The following NCOR1 variants were observed in gnomAD, a reference collection of about 807,000 sequenced individuals.
The protein encoded by NCOR1 is protein phosphatase 1, regulatory subunit 109.
Under a neutral mutation model 288.1 loss-of-function variants are expected in NCOR1, and 63 were observed. The ratio of observed to expected loss-of-function variants is 0.22; its 90% confidence interval spans 0.18 to 0.27. The LOEUF is 0.27. Ranked by LOEUF, NCOR1 falls within the 10% of genes least tolerant of loss-of-function variation. The pLI is 1.00. For missense variants in NCOR1, 2,397 were observed against 3,019.2 expected (o/e 0.79, Z 4.83); for synonymous variants, 1,007 against 1,065.9 (o/e 0.94, Z 1.08).
chr17:16,088,056 CACTT>C (rs1444126508), intron 22 of NCOR1, among the ~76,000 whole-genome samples: 4 of 152,018 alleles, frequency 2.6e-5, no homozygotes, highest in East Asian at 3.8e-4. Context: ...TAACCCTGAC[CACTT>C]AGATTTGTAG....
intron 42 of NCOR1, 45 bp from the exon 43 acceptor site, chr17:16,040,539 T>C (rs2057365631): frequency 1.3e-6 from 2 of 1,530,794 alleles, no homozygotes; most frequent in Non-Finnish European, 1.8e-6. Context: ...GTGATAATCA[T>C]ATATACCAAA....
At chr17:16,095,168 C>A (rs1244276922) in intron 21 of NCOR1, among the ~76,000 whole-genome samples, 2 of 151,920 alleles carry the variant, frequency 1.3e-5, no homozygotes, top group African/African-American at 4.8e-5. Flanking sequence ...AGGAACGTCT[C>A]TGCCCGGCCG....
intron 25 of NCOR1, 161 bp downstream of exon 25, chr17:16,080,247 G>C: frequency 1.3e-6 from 1 of 791,340 alleles, no homozygotes; most frequent in Non-Finnish European, 2.0e-6. Context: ...CTGAAACATG[G>C]AACTTCAAGG....
At chr17:16,213,311 T>A (rs1420294857) in intron 1 of NCOR1, among the ~76,000 whole-genome samples, 2 of 150,702 alleles carry the variant, frequency 1.3e-5, no homozygotes, top group African/African-American at 4.9e-5. Flanking sequence ...GCTAACACGG[T>A]GAAACCCCGT....
At chr17:16,065,868 T>C in intron 32 of NCOR1, 174 bp from the exon 33 acceptor site, 4 of 611,424 alleles carry the variant, frequency 6.5e-6, no homozygotes, top group South Asian at 2.0e-5. Flanking sequence ...GTATTAGCAA[T>C]AGCAATTCTA....
intron 1 of NCOR1, among the ~76,000 whole-genome samples, chr17:16,199,204 G>A (rs1328209539): frequency 2.6e-4 from 26 of 99,842 alleles, no homozygotes; most frequent in Admixed American, 4.5e-4. Context: ...AATACAGAAG[G>A]AAAAAAAAAA....
chr17:16,062,563 C>T (rs985908627), intron 35 of NCOR1, among the ~76,000 whole-genome samples: 1 of 152,200 alleles, frequency 6.6e-6, no homozygotes, highest in African/African-American at 2.4e-5. Flanking sequence ...TAAAACAGCA[C>T]CAACAAGAAG....
rs969397306 is a variant in NCOR1 at position 16,157,134 on chromosome 17, A to T, written c.732+1626T>A. ...GCTATGCAGAGGACTTTTTTTTTTT[A>T]AAAAAACAAATCAGAGATTTCACAT... On this transcript the variant is annotated intron_variant, in intron 6 of 45. Transcript: ENST00000268712. Among the ~76,000 whole-genome samples the T allele has an allele frequency of 6.3e-4, 96 of 151,212 alleles. 1 individual carries two copies. Among genetic ancestry groups the T allele is most frequent in the East Asian group, 4.6e-3 (24 of 5,168 alleles).
chr17:16,091,793 G>C, intron 22 of NCOR1, 70 bp downstream of exon 22: 1 of 1,605,736 alleles, frequency 6.2e-7, no homozygotes, highest in Non-Finnish European at 8.5e-7. Context: ...AAGCACAATG[G>C]ACACTGCTTT....
chr17:16,103,742 G>A (rs990308649), intron 19 of NCOR1, among the ~76,000 whole-genome samples: 1 of 152,208 alleles, frequency 6.6e-6, no homozygotes, highest in Non-Finnish European at 1.5e-5. Context: ...TGGGCTGGGC[G>A]CACTGGCTCA....
chr17:16,167,463 A>G (rs922563990), intron 4 of NCOR1, among the ~76,000 whole-genome samples: 1 of 152,100 alleles, frequency 6.6e-6, no homozygotes, highest in African/African-American at 2.4e-5. Context: ...GTTAAAAAAA[A>G]ATAATAATAA....
rs962703446 is a variant in NCOR1 at position 16,080,810 on chromosome 17, C to T, written c.3178-83G>A. 1.1e-5 allele frequency: 14 copies of T among 1,305,360 alleles called. No homozygotes were observed. In the African/African-American group the frequency reaches 2.1e-4, roughly 20 times the overall value. The allele number at this position is 1,305,360 out of a possible 1,614,324, so 80.9% of individuals were successfully genotyped here. A position where few individuals can be genotyped will look rare whatever the true frequency, so the allele number is the denominator to read the frequency against. On this transcript the variant is annotated intron_variant, in intron 23 of 45. Coordinates refer to ENST00000268712, the MANE Select transcript of NCOR1 (RefSeq NM_006311.4). The stretch of plus-strand genomic sequence containing the variant: ...GTCAATTTCACAAAGTCAGCATTCC[C>T]ATTTCTGTTTAAAAAAAAAAAAAAT...
intron 21 of NCOR1, among the ~76,000 whole-genome samples, chr17:16,092,678 TATATATATATATATA>T (rs1298885719): frequency 0.095 from 2,375 of 24,938 alleles, 228 homozygotes; most frequent in Non-Finnish European, 0.12. Context: ...TATATATATA[TATATATATATATATA>T]TATTTTTTTT....
At chr17:16,114,206 A>C (rs1165979954) in intron 18 of NCOR1, among the ~76,000 whole-genome samples, 1 of 151,150 alleles carries the variant, frequency 6.6e-6, no homozygotes, top group African/African-American at 2.4e-5. Flanking sequence ...AAACCAGTAG[A>C]TCTCCTAAGA....
chr17:16,207,720 G>A (rs1039151087), intron 1 of NCOR1, among the ~76,000 whole-genome samples: 7 of 144,988 alleles, frequency 4.8e-5, no homozygotes, highest in South Asian at 2.2e-4. Context: ...CAGCCTGGGT[G>A]AGAGCGAGAC....
At chr17:16,183,297 G>T (rs1278154686) in intron 3 of NCOR1, among the ~76,000 whole-genome samples, 1 of 139,906 alleles carries the variant, frequency 7.1e-6, no homozygotes, top group African/African-American at 2.6e-5. Flanking sequence ...AAAGGAAAAA[G>T]TAAAAATATC....
intron 3 of NCOR1, among the ~76,000 whole-genome samples, chr17:16,177,828 T>C (rs2153487369): frequency 6.6e-6 from 1 of 152,312 alleles, no homozygotes; most frequent in East Asian, 1.9e-4. Context: ...ATTGAAATTT[T>C]CTCCAATCAA....
chr17:16,040,252 T>C (rs2057313922), intron 43 of NCOR1, 189 bp downstream of exon 43: 2 of 685,056 alleles, frequency 2.9e-6, no homozygotes, highest in Non-Finnish European at 2.7e-6. Flanking sequence ...ATCTTTTCAA[T>C]AGGTATTTAC....
At chr17:16,194,351 TAAAAAA>T (rs879777410) in intron 2 of NCOR1, 105 bp downstream of exon 2, 7 of 516,982 alleles carry the variant, frequency 1.4e-5, no homozygotes, top group Non-Finnish European at 2.2e-5. Flanking sequence ...TCTTGCAACT[TAAAAAA>T]AAAAAAGATA....
Sources: allele counts gnomAD v4.1 joint callset (sites outside exome capture counted in the v4.1 genomes callset), GRCh38; gene constraint gnomAD v4.1.1; transcripts MANE v1.5; gene names NCBI Gene and HGNC (gene_info 2026-07-23, HGNC 2026-07-21).